Variants in TNIK observed in about 807,000 individuals in gnomAD.
TNIK encodes the protein TRAF2 and NCK interacting kinase.
A neutral mutation model predicts 191.3 loss-of-function variants in TNIK; 49 were observed. That is an observed-to-expected ratio of 0.26 (90% CI 0.20 to 0.32). TNIK has a LOEUF of 0.32. TNIK is among the 10% of genes least tolerant of loss of function. The pLI is 1.00. For missense variants in TNIK, 1,155 were observed against 1,702.3 expected (o/e 0.68, Z 5.66); for synonymous variants, 594 against 600.9 (o/e 0.99, Z 0.17).
chr3:171,377,130 C>G (rs1176650979), intron 1 of TNIK, among the ~76,000 whole-genome samples: 2 of 152,186 alleles, frequency 1.3e-5, no homozygotes, highest in Non-Finnish European at 2.9e-5. Context: ...ACAAACTGCT[C>G]CGATAGAGCT....
intron 1 of TNIK, among the ~76,000 whole-genome samples, chr3:171,410,916 CAGG>C (rs1212827654): frequency 6.6e-6 from 1 of 151,690 alleles, no homozygotes; most frequent in Non-Finnish European, 1.5e-5. Context: ...CACTTCTCAA[CAGG>C]AGAATTGAAT....
At position 171,352,319 on chromosome 3, in the gene TNIK, C is replaced by T. The variant is rs185843182; in HGVS notation, c.123+17301G>A. Among the ~76,000 whole-genome samples, 140 of 152,266 alleles carry T rather than the reference C, an allele frequency of 9.2e-4. 1 individual carries two copies. The highest frequency in any genetic ancestry group is 3.1e-3 in the African/African-American group (130 of 41,530). The stretch of plus-strand genomic sequence containing the variant: ...ACAATCCTCAGAAAAATCTATTCAC[C>T]TTTTAAGCCTTTGGATTCCACAAGG... On this transcript the variant is annotated intron_variant, in intron 2 of 32. Coordinates refer to ENST00000436636, the MANE Select transcript of TNIK (RefSeq NM_015028.4).
intron 2 of TNIK, among the ~76,000 whole-genome samples, chr3:171,282,563 C>T (rs1460815609): frequency 3.3e-5 from 5 of 151,972 alleles, no homozygotes; most frequent in East Asian, 1.9e-4. Context: ...AGGCTGGTCC[C>T]GAACTCCTGG....
intron 6 of TNIK, among the ~76,000 whole-genome samples, chr3:171,189,520 A>G (rs1008547206): frequency 6.6e-6 from 1 of 152,230 alleles, no homozygotes; most frequent in African/African-American, 2.4e-5. Context: ...TTTTGGGGAT[A>G]CAAGACAAGT....
chr3:171,394,051 A>G (rs551910130), intron 1 of TNIK, among the ~76,000 whole-genome samples: 2 of 152,338 alleles, frequency 1.3e-5, no homozygotes, highest in South Asian at 4.1e-4. Context: ...AACTTCTCAA[A>G]TGAGTACAGC....
At position 171,066,486 on chromosome 3, in the gene TNIK, T is replaced by G. The variant is rs1718445105; in HGVS notation, c.3859+90A>C. The G allele has an allele frequency of 2.7e-6, 4 of 1,459,082 alleles. No homozygotes were observed. The Admixed American group carries it at 6.6e-5, about 24-fold the overall frequency. The allele number at this position is 1,459,082 out of a possible 1,614,324, so 90.4% of individuals were successfully genotyped here. On this transcript the variant is annotated intron_variant, in intron 31 of 32. Coordinates refer to ENST00000436636, the MANE Select transcript of TNIK (RefSeq NM_015028.4). ...TCACAGATTTTTTTTTTTTTTTTTTTGTGGAATCAAATGGTTGTTTCACAT... is the reference window on the plus strand; with the variant it reads ...TCACAGATTTTTTTTTTTTTTTTTTGGTGGAATCAAATGGTTGTTTCACAT...
Position 171,093,919 on chromosome 3 carries a change from C to T in TNIK, c.2641G>A (p.Gly881Arg), listed in dbSNP as rs1371767588. ...TGAGAGGTCTCCAGCCCATGCGTCC[C>T]CACCATTCCCACATTGTACTGCTCG... ...SNEQYNVGMV[G>R]THGLETSHAD... Residue 881 changes from glycine (G) to arginine (R), a missense_variant, in exon 23 of 33, where the codon GGG becomes AGG. Transcript: ENST00000436636. The T allele has an allele frequency of 1.2e-6, 2 of 1,613,906 alleles. No homozygotes were observed. The highest frequency in any genetic ancestry group is 3.3e-5 in the Admixed American group (2 of 60,028).
chr3:171,368,897 C>T (rs1226873831), intron 2 of TNIK, among the ~76,000 whole-genome samples: 1 of 151,166 alleles, frequency 6.6e-6, no homozygotes, highest in East Asian at 2.0e-4. Flanking sequence ...TTCAATGAAA[C>T]CCCAAAAGTT....
chr3:171,389,426 T>G (rs1295941315), intron 1 of TNIK, among the ~76,000 whole-genome samples: 1 of 152,212 alleles, frequency 6.6e-6, no homozygotes, highest in African/African-American at 2.4e-5. Context: ...TCTGTGCCAG[T>G]TCTGTACTGT....
At chr3:171,262,585 T>C (rs1747781258) in intron 2 of TNIK, among the ~76,000 whole-genome samples, 1 of 152,210 alleles carries the variant, frequency 6.6e-6, no homozygotes, top group Non-Finnish European at 1.5e-5. Flanking sequence ...TTTTCCTGGC[T>C]TCTCAAGAGG....
chr3:171,125,906 T>C lies in TNIK; in HGVS notation c.2013+6A>G. The stretch of plus-strand genomic sequence containing the variant: ...TGATTAAAAAAAACACCCCAGTAAA[T>C]ATTACCTTTGGTGGAATGTCTTCTT... On this transcript the variant is annotated splice_donor_region_variant and intron_variant, in intron 17 of 32. Coordinates refer to ENST00000436636, the MANE Select transcript of TNIK (RefSeq NM_015028.4). The C allele has an allele frequency of 6.2e-7, 1 of 1,613,736 alleles. No homozygotes were observed. Among genetic ancestry groups the C allele is most frequent in the Admixed American group, 1.7e-5 (1 of 60,030 alleles).
intron 2 of TNIK, among the ~76,000 whole-genome samples, chr3:171,342,576 C>T (rs1264171032): frequency 6.6e-6 from 1 of 152,030 alleles, no homozygotes; most frequent in African/African-American, 2.4e-5. Flanking sequence ...TGAGAGTTTC[C>T]AATGGCCAAA....
intron 7 of TNIK, among the ~76,000 whole-genome samples, chr3:171,183,461 C>T (rs1334987715): frequency 6.6e-6 from 1 of 152,096 alleles, no homozygotes; most frequent in African/African-American, 2.4e-5. Context: ...TGAAATGTTC[C>T]AGGTGGGAAA....
chr3:171,066,597 C>G lies in TNIK; in HGVS notation c.3838G>C (p.Gly1280Arg). 6.2e-7 allele frequency: 1 copy of G among 1,613,598 alleles called. No individual in the cohort carries two copies. Among genetic ancestry groups the G allele is most frequent in the Non-Finnish European group, 8.5e-7 (1 of 1,179,858 alleles). ...CTACCCACAGACGTGGGCATTTCTC[C>G]CCATTGGAGCACCACATCCTTAGTT... Reference protein sequence around the residue: ...RITKDVVLQWGEMPTSVAYIH... With the variant: ...RITKDVVLQWREMPTSVAYIH... The change falls in exon 31 of 33, where the codon GGA becomes CGA. Residue 1280 changes from glycine to arginine, a missense_variant. Gly to Arg is a moderately radical substitution (Grantham distance 125, BLOSUM62 -2). This residue lies in a region of TNIK where 195 missense variants were observed against 415.4 expected (regional missense o/e 0.47). Transcript: ENST00000436636.
chr3:171,162,376 A>G (rs1356857894), intron 10 of TNIK, among the ~76,000 whole-genome samples: 1 of 152,244 alleles, frequency 6.6e-6, no homozygotes, highest in Admixed American at 6.5e-5. Context: ...GTGAGCCAAG[A>G]TCGCACCACT....
chr3:171,372,530 A>C (rs192746061), intron 1 of TNIK, among the ~76,000 whole-genome samples: 93 of 152,364 alleles, frequency 6.1e-4, no homozygotes, highest in Middle Eastern at 3.4e-3. Flanking sequence ...CAAAAACTTC[A>C]TCTGATCCAT....
chr3:171,350,511 A>G (rs963001585), intron 2 of TNIK, among the ~76,000 whole-genome samples: 1 of 151,376 alleles, frequency 6.6e-6, no homozygotes, highest in Admixed American at 6.6e-5. Context: ...TTGAAATCCA[A>G]TTAGCATGAG....
At chr3:171,332,643 T>C (rs941151077) in intron 2 of TNIK, among the ~76,000 whole-genome samples, 1 of 152,162 alleles carries the variant, frequency 6.6e-6, no homozygotes, top group Non-Finnish European at 1.5e-5. Flanking sequence ...GTAATCCTTC[T>C]GCCAGCCAAC....
chr3:171,425,427 C>T (rs1406392626), intron 1 of TNIK, among the ~76,000 whole-genome samples: 1 of 152,200 alleles, frequency 6.6e-6, no homozygotes, highest in African/African-American at 2.4e-5. Context: ...CCCATTCCTG[C>T]AGAGTATTTA....
Sources: gnomAD v4.1 joint callset for allele counts (sites outside exome capture counted in the v4.1 genomes callset) on GRCh38, gnomAD v4.1.1 for gene constraint, gnomAD v4.1.1 regional missense constraint, MANE v1.5 for transcripts, NCBI Gene and HGNC (gene_info 2026-07-23, HGNC 2026-07-21) for gene names.